Variants in GTF2A1L observed in about 807,000 individuals in gnomAD.
The protein encoded by GTF2A1L is TFIIA-alpha and beta-like factor.
Under a neutral mutation model 49.7 loss-of-function variants are expected in GTF2A1L, and 48 were observed. The observed-to-expected ratio is 0.97, with a 90% CI of 0.77 to 1.23. The LOEUF is 1.23. Among genes scored for constraint, GTF2A1L ranks in the 50% most tolerant of loss-of-function variants. GTF2A1L has a pLI of 0.00. For synonymous variants in GTF2A1L, 246 were observed against 193.5 expected (o/e 1.27, Z -2.25); for missense variants, 736 against 564.8 (o/e 1.30, Z -3.07).
chr2:48,632,158 C>T (rs186626347), intron 3 of GTF2A1L: 1 of 152,258 alleles, frequency 6.6e-6, no homozygotes, highest in Non-Finnish European at 1.5e-5. Context: ...CTTTACTCAA[C>T]TGAGAATTAA....
chr2:48,673,107 T>G (rs1391966945), intron 8 of GTF2A1L, among the ~76,000 whole-genome samples: 1 of 152,214 alleles, frequency 6.6e-6, no homozygotes, highest in Non-Finnish European at 1.5e-5. Context: ...TCATCCATGT[T>G]GTAACATATA....
chr2:48,668,837 A>AAAATAAATAAATAAATAAATAAAT (rs10529379), intron 6 of GTF2A1L, among the ~76,000 whole-genome samples: 5 of 150,342 alleles, frequency 3.3e-5, no homozygotes, highest in African/African-American at 1.2e-4. Flanking sequence ...CCCGCCTCAA[A>AAAATAAATAAATAAATAAATAAAT]AAATAAATAA....
intron 6 of GTF2A1L, among the ~76,000 whole-genome samples, chr2:48,667,198 A>G (rs542353813): frequency 8.6e-5 from 13 of 152,018 alleles, no homozygotes; most frequent in Admixed American, 3.9e-4. Context: ...GGCTCAAGCA[A>G]TCTGCCAGCT....
intron 6 of GTF2A1L, among the ~76,000 whole-genome samples, chr2:48,665,361 AC>A (rs529283343): frequency 1.0e-3 from 81 of 80,132 alleles, no homozygotes; most frequent in Admixed American, 3.4e-3. Context: ...CCTCCTGTTT[AC>A]TTTGGACTTA....
chr2:48,659,343 A>G (rs1678363786), intron 6 of GTF2A1L, among the ~76,000 whole-genome samples: 1 of 152,166 alleles, frequency 6.6e-6, no homozygotes, highest in Non-Finnish European at 1.5e-5. Context: ...ATTGCTTTAC[A>G]TAATCCCAAT....
intron 6 of GTF2A1L, among the ~76,000 whole-genome samples, chr2:48,656,346 C>CTTTTTTTTTTT (rs1216304959): frequency 1.4e-5 from 1 of 69,370 alleles, no homozygotes; most frequent in African/African-American, 6.9e-5. Context: ...CGCTTATTTT[C>CTTTTTTTTTTT]TGTTTTTTTT....
chr2:48,662,169 T>C (rs1572759852), intron 6 of GTF2A1L, among the ~76,000 whole-genome samples: 1 of 152,238 alleles, frequency 6.6e-6, no homozygotes, highest in Admixed American at 6.5e-5. Flanking sequence ...TTTACAACTT[T>C]GCCCTCCCCT....
Position 48,645,087 on chromosome 2 carries a change from C to T in GTF2A1L, c.358C>T (p.Pro120Ser). The change falls in exon 5 of 9, where the codon CCA becomes TCA. Residue 120 changes from proline to serine, a missense_variant. Transcript: ENST00000403751. ...FTFPGYPIHV[P>S]AGVTLQTVSG... ...TTTTCCTGGTTATCCCATTCATGTA[C>T]CAGCAGGTGTGACACTACAGACTGT... 3 of 1,612,676 alleles carry T rather than the reference C, an allele frequency of 1.9e-6. No homozygotes were observed. The highest frequency in any genetic ancestry group is 2.5e-6 in the Non-Finnish European group (3 of 1,179,468).
At chr2:48,618,019 C>T (rs1675760785) in intron 1 of GTF2A1L, 124 bp downstream of exon 1, 2 of 998,850 alleles carry the variant, frequency 2.0e-6, no homozygotes, top group Non-Finnish European at 1.5e-6. Flanking sequence ...CTCTCTCTTC[C>T]TTAGGGGCTG....
At chr2:48,621,146 C>G (rs749546399) in intron 2 of GTF2A1L, 21 bp from the exon 3 acceptor site, 4 of 1,570,390 alleles carry the variant, frequency 2.5e-6, no homozygotes, top group African/African-American at 2.8e-5. Flanking sequence ...TTAAAGTAAA[C>G]TTTTTTTTTC....
intron 6 of GTF2A1L, among the ~76,000 whole-genome samples, chr2:48,665,913 C>T (rs1225520775): frequency 2.0e-5 from 3 of 151,914 alleles, no homozygotes; most frequent in African/African-American, 7.2e-5. Context: ...TAAGTCTTCA[C>T]CTGTAATTTT....
intron 3 of GTF2A1L, among the ~76,000 whole-genome samples, chr2:48,634,741 G>A (rs1368053300): frequency 2.0e-5 from 3 of 152,220 alleles, no homozygotes; most frequent in African/African-American, 7.2e-5. Flanking sequence ...CTCCTGGCTT[G>A]TAAGGTTTCT....
At chr2:48,648,100 A>C (rs935649990) in intron 6 of GTF2A1L, among the ~76,000 whole-genome samples, 1 of 152,100 alleles carries the variant, frequency 6.6e-6, no homozygotes, top group African/African-American at 2.4e-5. Flanking sequence ...AGAAAATGAC[A>C]ATCAGAAACT....
intron 6 of GTF2A1L, among the ~76,000 whole-genome samples, chr2:48,666,076 G>A (rs1678823379): frequency 6.6e-6 from 1 of 151,936 alleles, no homozygotes; most frequent in African/African-American, 2.4e-5. Context: ...TGGTTCTGAA[G>A]TTAACATTTT....
intron 3 of GTF2A1L, among the ~76,000 whole-genome samples, chr2:48,640,111 A>G (rs1400823098): frequency 6.6e-6 from 1 of 152,210 alleles, no homozygotes; most frequent in African/African-American, 2.4e-5. Flanking sequence ...AGTGCAAATT[A>G]GTTCAGCCAT....
chr2:48,652,854 C>G (rs550190788), intron 6 of GTF2A1L, among the ~76,000 whole-genome samples: 1 of 151,220 alleles, frequency 6.6e-6, no homozygotes, highest in East Asian at 2.0e-4. Context: ...GCCACCACGC[C>G]CAGCTAGTTT....
intron 6 of GTF2A1L, among the ~76,000 whole-genome samples, chr2:48,653,728 T>A (rs1197362242): frequency 6.6e-6 from 1 of 150,878 alleles, no homozygotes; most frequent in Non-Finnish European, 1.5e-5. Context: ...AGGTCAGGAG[T>A]TCAAGACCAG....
At position 48,646,815 on chromosome 2, in the gene GTF2A1L, C is replaced by T. The variant is rs1677538764; in HGVS notation, c.751C>T (p.Pro251Ser). 1.2e-6 allele frequency: 2 copies of T among 1,614,152 alleles called. No individual in the cohort carries two copies. Among genetic ancestry groups the T allele is most frequent in the South Asian group, 1.1e-5 (1 of 91,082 alleles). Residue 251 changes from proline to serine, a missense_variant, in exon 6 of 9, where the codon CCA (proline) becomes TCA (serine). Pro to Ser is a moderately conservative substitution (Grantham distance 74). Transcript: ENST00000403751. ...YISLPGVVFS[P>S]QVSQTNSNVE... ...CAGTCTTCCAGGTGTTGTATTTTCT[C>T]CACAGGTCTCTCAAACAAATTCTAA... is the stretch of plus-strand genomic sequence containing the variant.
intron 6 of GTF2A1L, among the ~76,000 whole-genome samples, chr2:48,647,536 T>A (rs370515289): frequency 1.3e-5 from 2 of 152,084 alleles, no homozygotes; most frequent in East Asian, 1.9e-4. Flanking sequence ...TGTGGAATGT[T>A]TTGAGATAAT....
Sources: gnomAD v4.1 joint callset for allele counts (sites outside exome capture counted in the v4.1 genomes callset) on GRCh38, gnomAD v4.1.1 for gene constraint, MANE v1.5 for transcripts, NCBI Gene and HGNC (gene_info 2026-07-23, HGNC 2026-07-21) for gene names.